Variants in KDM4C observed in about 807,000 individuals in gnomAD.
KDM4C encodes lysine-specific demethylase 4C.
Under a neutral mutation model 129.3 loss-of-function variants are expected in KDM4C, and 81 were observed. That is an observed-to-expected ratio of 0.63 (90% CI 0.52 to 0.75). KDM4C has a LOEUF of 0.75. Ranked by LOEUF, KDM4C falls within the 30% of genes least tolerant of loss-of-function variation. KDM4C has a pLI of 0.00. For missense variants in KDM4C, 1,457 were observed against 1,304.0 expected (o/e 1.12, Z -1.81); for synonymous variants, 573 against 456.1 (o/e 1.26, Z -3.26).
chr9:7,113,968 G>C (rs1043336967), intron 18 of KDM4C, among the ~76,000 whole-genome samples: 4 of 152,090 alleles, frequency 2.6e-5, no homozygotes, highest in Non-Finnish European at 5.9e-5. Context: ...CTGAAGTCCC[G>C]TTGAGAGACT....
intron 17 of KDM4C, among the ~76,000 whole-genome samples, chr9:7,061,161 C>T (rs1021006290): frequency 6.6e-6 from 1 of 152,166 alleles, no homozygotes; most frequent in African/African-American, 2.4e-5. Context: ...ATGTGTCCTT[C>T]TTCTCCCTCC....
chr9:7,141,828 A>G (rs1343512832), intron 19 of KDM4C, among the ~76,000 whole-genome samples: 3 of 151,928 alleles, frequency 2.0e-5, no homozygotes, highest in Admixed American at 6.6e-5. Context: ...TTTACATAGA[A>G]TGTAAGGGAT....
At chr9:6,779,379 A>G (rs527831176) in intron 1 of KDM4C, among the ~76,000 whole-genome samples, 51 of 152,342 alleles carry the variant, frequency 3.3e-4, no homozygotes, top group African/African-American at 1.2e-3. Flanking sequence ...GAGAGAGTGG[A>G]AACCTGTAAG....
rs114007352 is a variant in KDM4C at position 6,873,987 on chromosome 9, C to T, written c.630-6025C>T. Among the ~76,000 whole-genome samples the T allele has an allele frequency of 2.7e-3, 402 of 150,704 alleles. 3 individuals are homozygous for T. Among genetic ancestry groups the T allele is most frequent in the African/African-American group, 9.6e-3 (394 of 40,868 alleles). ...GAGAGAGAGAGGATCAGCTAGCCGA[C>T]GGAGCAGTCAGAACACACACATTTA... On this transcript the variant is annotated intron_variant, in intron 5 of 21. Coordinates refer to ENST00000381309, the MANE Select transcript of KDM4C (RefSeq NM_015061.6).
At position 7,019,955 on chromosome 9, in the gene KDM4C, C is replaced by T. The variant is rs531627507; in HGVS notation, c.2259+4026C>T. Among the ~76,000 whole-genome samples, 58 of 151,470 alleles carry T rather than the reference C, an allele frequency of 3.8e-4. 1 individual carries two copies. In the Middle Eastern group the frequency reaches 0.014, roughly 36 times the overall value. On this transcript the variant is annotated intron_variant, in intron 15 of 21. Coordinates refer to ENST00000381309, the MANE Select transcript of KDM4C (RefSeq NM_015061.6). ...CATAGATCAGCTCTCTTTTTATTTT[C>T]CAATTCTAAAGAGTAGATGTCGCTC... is the stretch of plus-strand genomic sequence containing the variant.
chr9:6,815,110 A>G (rs1439190030), intron 4 of KDM4C: 1 of 155,536 alleles, frequency 6.4e-6, no homozygotes, highest in Non-Finnish European at 1.4e-5. Flanking sequence ...ATATTTTTCC[A>G]GTACTTTCCC....
intron 8 of KDM4C, among the ~76,000 whole-genome samples, chr9:6,906,102 A>G (rs1283453263): frequency 2.6e-5 from 4 of 152,176 alleles, no homozygotes; most frequent in Non-Finnish European, 4.4e-5. Context: ...GTTGGAAAGT[A>G]TACAGACATA....
intron 15 of KDM4C, among the ~76,000 whole-genome samples, chr9:7,016,218 T>C (rs539739552): frequency 1.3e-5 from 2 of 151,918 alleles, no homozygotes; most frequent in South Asian, 2.1e-4. Context: ...AGCTCCACCT[T>C]CCAGGTTCAC....
intron 2 of KDM4C, among the ~76,000 whole-genome samples, chr9:6,798,976 GCA>G (rs1828352808): frequency 8.4e-6 from 1 of 118,536 alleles, no homozygotes; most frequent in Admixed American, 7.8e-5. Flanking sequence ...GGGTGGCCGG[GCA>G]GAGACGCTCC....
At position 6,783,410 on chromosome 9, in the gene KDM4C, T is replaced by C. The variant is rs989326730; in HGVS notation, c.-17-9562T>C. On this transcript the variant is annotated intron_variant, in intron 1 of 21. Transcript: ENST00000381309. ...ATTCATTATTGTCTCTATACAGCTTTATACTCATCTTCAAATGACTGTGCC... is the reference window on the plus strand; with the variant it reads ...ATTCATTATTGTCTCTATACAGCTTCATACTCATCTTCAAATGACTGTGCC... Among the ~76,000 whole-genome samples the C allele has an allele frequency of 2.0e-5, 3 of 152,352 alleles. No homozygotes were observed. In the East Asian group the frequency reaches 5.8e-4, roughly 29 times the overall value.
chr9:7,113,256 A>G (rs1054269716), intron 18 of KDM4C, among the ~76,000 whole-genome samples: 2 of 152,210 alleles, frequency 1.3e-5, no homozygotes, highest in African/African-American at 2.4e-5. Context: ...GGTTTTGTTG[A>G]GCTCTCTCTC....
chr9:6,949,404 C>A (rs899553997), intron 8 of KDM4C, among the ~76,000 whole-genome samples: 1 of 152,076 alleles, frequency 6.6e-6, no homozygotes, highest in Admixed American at 6.5e-5. Context: ...CGATGAGTGG[C>A]CAGGCAGAGA....
rs546514225 is a variant in KDM4C at position 7,072,837 on chromosome 9, C to T, written c.2424+23637C>T. ...ATTTCATTTACATTTGATGTACAAT[C>T]ATTGTACATACTTATGGGGTACAAT... is the stretch of plus-strand genomic sequence containing the variant. On this transcript the variant is annotated intron_variant, in intron 17 of 21. Transcript: ENST00000381309. Among the ~76,000 whole-genome samples the T allele has an allele frequency of 7.9e-5, 12 of 152,300 alleles. No homozygotes were observed. In the South Asian group the frequency reaches 1.5e-3, roughly 18 times the overall value.
chr9:7,129,714 C>A (rs964330712), intron 19 of KDM4C, among the ~76,000 whole-genome samples: 1 of 152,140 alleles, frequency 6.6e-6, no homozygotes, highest in Non-Finnish European at 1.5e-5. Flanking sequence ...TGGTTCTATA[C>A]TTGAACTACA....
At position 6,758,294 on chromosome 9, in the gene KDM4C, G is replaced by C; in HGVS notation, c.-18+91G>C. The C allele has an allele frequency of 1.3e-6, 1 of 782,184 alleles. No homozygotes were observed. Among genetic ancestry groups the C allele is most frequent in the Non-Finnish European group, 1.6e-6 (1 of 644,318 alleles). 48.5% of individuals were successfully genotyped at this position (782,184 alleles called of 1,614,324 possible). On this transcript the variant is annotated intron_variant, in intron 1 of 21. Coordinates refer to ENST00000381309, the MANE Select transcript of KDM4C (RefSeq NM_015061.6). The surrounding 1 kb of genome is among the most constrained non-coding windows in gnomAD (Gnocchi z 4.6). ...TGCCCCCCTCCGCGTGGGGCACGGG[G>C]GTGCGGGCGTCCGGGCGAGCGGCGA...
Position 6,892,369 on chromosome 9 carries a change from C to A in KDM4C, c.784-726C>A, listed in dbSNP as rs116070042. Among the ~76,000 whole-genome samples the A allele has an allele frequency of 7.7e-3, 1,164 of 151,794 alleles. 17 individuals are homozygous for A. Among genetic ancestry groups the A allele is most frequent in the African/African-American group, 0.027 (1,117 of 41,432 alleles). ...ATTTTTCTTCACTTTTTCTGTAGACCATGGGATATTTTGTGTTGCTTTGGT... is the reference window on the plus strand; with the variant it reads ...ATTTTTCTTCACTTTTTCTGTAGACAATGGGATATTTTGTGTTGCTTTGGT... On this transcript the variant is annotated intron_variant, in intron 7 of 21. Transcript: ENST00000381309.
intron 17 of KDM4C, chr9:7,076,490 G>A: frequency 6.5e-7 from 1 of 1,549,678 alleles, no homozygotes; most frequent in South Asian, 1.2e-5. Flanking sequence ...AACAATGAAG[G>A]CTCACTGTGA....
intron 4 of KDM4C, among the ~76,000 whole-genome samples, chr9:6,833,476 C>G (rs970787749): frequency 1.3e-5 from 2 of 152,122 alleles, no homozygotes; most frequent in African/African-American, 4.8e-5. Flanking sequence ...GGCCACGTGG[C>G]TTCAGAAACA....
intron 1 of KDM4C, among the ~76,000 whole-genome samples, chr9:6,738,335 G>T (rs553389221): frequency 3.3e-5 from 5 of 152,132 alleles, no homozygotes; most frequent in Admixed American, 6.5e-5. Flanking sequence ...AATTAGAAGG[G>T]CATGGTGGCA....
Sources: allele counts gnomAD v4.1 joint callset (sites outside exome capture counted in the v4.1 genomes callset), GRCh38; gene constraint gnomAD v4.1.1; non-coding constraint Gnocchi (gnomAD v3.1); transcripts MANE v1.5; gene names NCBI Gene and HGNC (gene_info 2026-07-23, HGNC 2026-07-21).